The following PRPF18 variants were observed in gnomAD, a reference collection of about 807,000 sequenced individuals.
PRPF18 encodes pre-mRNA processing factor 18.
A neutral mutation model predicts 46.5 loss-of-function variants in PRPF18; 38 were observed. The ratio of observed to expected loss-of-function variants is 0.82; its 90% CI spans 0.63 to 1.07. The LOEUF is 1.07. PRPF18 is among the 50% of genes least tolerant of loss of function. The probability of loss-of-function intolerance (pLI) is 0.00; values close to 1 mark genes in which losing one functional copy is unlikely to be tolerated. For missense variants in PRPF18, 263 were observed against 410.0 expected (o/e 0.64, Z 3.10); for synonymous variants, 152 against 146.7 (o/e 1.04, Z -0.26).
chr10:13,604,254 T>G (rs2080154202), intron 3 of PRPF18, among the ~76,000 whole-genome samples: 1 of 152,210 alleles, frequency 6.6e-6, no homozygotes, highest in Non-Finnish European at 1.5e-5. Context: ...TGATGCTATT[T>G]ATGCTCCCAG....
chr10:13,650,515 T>G, the PRPF18 span, among the ~76,000 whole-genome samples: 4 of 152,224 alleles, frequency 2.6e-5, no homozygotes, highest in African/African-American at 9.7e-5. Flanking sequence ...CTTCTGGCTG[T>G]CAGCCCTATC....
chr10:13,606,746 A>C (rs947882665), intron 4 of PRPF18, among the ~76,000 whole-genome samples: 3 of 151,456 alleles, frequency 2.0e-5, no homozygotes, highest in East Asian at 1.9e-4. Context: ...AAAAAAAAAA[A>C]AAAAAAAAAA....
At chr10:13,602,422 G>GTA (rs1291717551) in intron 3 of PRPF18, among the ~76,000 whole-genome samples, 2 of 151,332 alleles carry the variant, frequency 1.3e-5, no homozygotes, top group Admixed American at 6.6e-5. Flanking sequence ...TGTACATAGT[G>GTA]TATATATATA....
the PRPF18 span, among the ~76,000 whole-genome samples, chr10:13,648,394 C>G: frequency 1.3e-5 from 2 of 152,100 alleles, no homozygotes; most frequent in East Asian, 1.9e-4. Flanking sequence ...GGTGGTTGGG[C>G]CTTGCAGGGG....
intron 1 of PRPF18, among the ~76,000 whole-genome samples, chr10:13,589,820 A>G (rs2133060858): frequency 6.6e-6 from 1 of 152,340 alleles, no homozygotes; most frequent in East Asian, 1.9e-4. Context: ...AACTTTAAAA[A>G]CAATTAGAAA....
Position 13,610,298 on chromosome 10 carries a change from T to C in PRPF18, c.510+113T>C, listed in dbSNP as rs1589128710. On this transcript the variant is annotated intron_variant, in intron 5 of 9. Transcript: ENST00000378572. ...AGAGCACACTGTTGTCCTTGGTCTT[T>C]TGTTTATTTACTCCTCGCTTTTATT... is the stretch of plus-strand genomic sequence containing the variant. The C allele has an allele frequency of 1.0e-5, 12 of 1,187,840 alleles. No homozygotes were observed. The South Asian group carries it at 2.2e-4, about 22-fold the overall frequency. 73.6% of individuals were successfully genotyped at this position (1,187,840 alleles called of 1,614,324 possible). A position where few individuals can be genotyped will look rare whatever the true frequency, so the allele number is the denominator to read the frequency against.
intron 3 of PRPF18, among the ~76,000 whole-genome samples, chr10:13,603,958 A>G (rs148864613): frequency 0.011 from 1,668 of 152,360 alleles, 26 homozygotes; most frequent in African/African-American, 0.034. Flanking sequence ...TTGGAAAATC[A>G]GAATATTCTC....
At chr10:13,623,985 A>ATATT (rs1167885594) in intron 9 of PRPF18, among the ~76,000 whole-genome samples, 3 of 152,132 alleles carry the variant, frequency 2.0e-5, no homozygotes, top group African/African-American at 2.4e-5. Context: ...CACCAATTAG[A>ATATT]TATTTATTTA....
chr10:13,605,012 A>G (rs970240610), intron 3 of PRPF18, among the ~76,000 whole-genome samples: 4 of 152,230 alleles, frequency 2.6e-5, no homozygotes, highest in African/African-American at 9.6e-5. Context: ...TTAGACTTGA[A>G]TTGTAGAGTC....
chr10:13,654,635 GGAAGGACCCCAGAGCA>G, the PRPF18 span: 28 of 651,298 alleles, frequency 4.3e-5, no homozygotes, highest in South Asian at 5.0e-4. Flanking sequence ...AGGGATGCTG[GGAAGGACCCCAGAGCA>G]GGGTCTCAGC....
chr10:13,619,799 G>C (rs1198438362), intron 9 of PRPF18, among the ~76,000 whole-genome samples: 1 of 151,808 alleles, frequency 6.6e-6, no homozygotes, highest in African/African-American at 2.4e-5. Flanking sequence ...TGGTTCCAAT[G>C]TTGCTGGATC....
At chr10:13,616,800 A>G (rs1377912252) in intron 9 of PRPF18, among the ~76,000 whole-genome samples, 1 of 151,932 alleles carries the variant, frequency 6.6e-6, no homozygotes, top group African/African-American at 2.4e-5. Flanking sequence ...GCACTGAAAT[A>G]AAATGATTGC....
chr10:13,618,615 C>CAAAAAAAAAAAAAA (rs68069523), intron 9 of PRPF18, among the ~76,000 whole-genome samples: 2 of 39,984 alleles, frequency 5.0e-5, no homozygotes, highest in Non-Finnish European at 4.9e-5. Context: ...AAGACCCTGT[C>CAAAAAAAAAAAAAA]AAAAAAAAAA....
chr10:13,610,119 T>C lies in PRPF18; in HGVS notation c.444T>C (p.Pro148=), dbSNP rs1014159630. 1 of 1,614,076 alleles carries C rather than the reference T, an allele frequency of 6.2e-7. No homozygotes were observed. Among genetic ancestry groups the C allele is most frequent in the Non-Finnish European group, 8.5e-7 (1 of 1,179,926 alleles). ...YLNEIVGGQE[P]GEEDTQNDLK... Reference sequence around the variant, plus strand: ...ATGAAATCGTCGGCGGTCAGGAGCCTGGAGAGGAAGACACACAGAATGATC... The same window carrying C: ...ATGAAATCGTCGGCGGTCAGGAGCCCGGAGAGGAAGACACACAGAATGATC... Residue 148 remains proline (P), a synonymous_variant, in exon 5 of 10, where the codon CCT becomes CCC. Transcript: ENST00000378572.
chr10:13,646,515 A>C, the PRPF18 span: 1 of 152,286 alleles, frequency 6.6e-6, no homozygotes, highest in African/African-American at 2.4e-5. Context: ...TGGTTGGCCT[A>C]CGTATGGGTG....
At chr10:13,605,492 G>A (rs939782092) in intron 3 of PRPF18, 139 bp from the exon 4 acceptor site, 3 of 833,932 alleles carry the variant, frequency 3.6e-6, no homozygotes, top group Non-Finnish European at 4.8e-6. Context: ...TGAGGCAGGA[G>A]AATCGCTTGA....
At chr10:13,598,150 A>T (rs1235185691) in intron 2 of PRPF18, among the ~76,000 whole-genome samples, 1 of 152,186 alleles carries the variant, frequency 6.6e-6, no homozygotes, top group East Asian at 1.9e-4. Context: ...TTTCTTAGAA[A>T]CAAATGAGTT....
downstream of PRPF18, chr10:13,630,875 A>G (rs959966674): frequency 1.3e-5 from 2 of 152,202 alleles, no homozygotes; most frequent in Non-Finnish European, 2.9e-5. Context: ...GGTATAACTC[A>G]AATGTTATTT....
At chr10:13,610,923 T>C (rs1327581331) in intron 5 of PRPF18, among the ~76,000 whole-genome samples, 1 of 152,148 alleles carries the variant, frequency 6.6e-6, no homozygotes, top group Non-Finnish European at 1.5e-5. Context: ...GCTTTTGGAG[T>C]GTTAGTGTAT....
Sources: gnomAD v4.1 joint callset for allele counts (sites outside exome capture counted in the v4.1 genomes callset) on GRCh38, gnomAD v4.1.1 for gene constraint, MANE v1.5 for transcripts, NCBI Gene and HGNC (gene_info 2026-07-23, HGNC 2026-07-21) for gene names.